The following KLF6 variants were observed in gnomAD, a reference collection of about 807,000 sequenced individuals.
KLF6 encodes the protein Krueppel-like factor 6.
For missense variants in KLF6, 233 were observed against 359.8 expected (o/e 0.65, Z 2.85); for synonymous variants, 152 against 147.9 (o/e 1.03, Z -0.20).
At position 3,779,363 on chromosome 10, in the gene KLF6, T is replaced by C; in HGVS notation, c.*176A>G. 1 of 694,558 alleles carries C rather than the reference T, an allele frequency of 1.4e-6. No homozygotes were observed. The highest frequency in any genetic ancestry group is 2.6e-6 in the Non-Finnish European group (1 of 380,550). 43.0% of individuals were successfully genotyped at this position (694,558 alleles called of 1,614,324 possible). A position where few individuals can be genotyped will look rare whatever the true frequency, so the allele number is the denominator to read the frequency against. ...CCCACATACCATGCACCACGGGTGCTATGCCGCTTCTTACAGGACCTTTTT... is the reference window on the plus strand; with the variant it reads ...CCCACATACCATGCACCACGGGTGCCATGCCGCTTCTTACAGGACCTTTTT... On this transcript the variant is annotated 3_prime_UTR_variant, in exon 4 of 4. Coordinates refer to ENST00000497571, the MANE Select transcript of KLF6 (RefSeq NM_001300.6).
chr10:3,777,790 TAC>T lies in KLF6; in HGVS notation c.*1747_*1748del. 2.2e-6 allele frequency: 1 copy of T among 462,942 alleles called. No individual in the cohort carries two copies. Among genetic ancestry groups the T allele is most frequent in the South Asian group, 1.6e-5 (1 of 61,276 alleles). 28.7% of individuals were successfully genotyped at this position (462,942 alleles called of 1,614,324 possible). ...TATATATACACACATACACATACTG[TAC>T]ACACAAATATACATACACAAGAATT... On this transcript the variant is annotated 3_prime_UTR_variant, in exon 4 of 4. Transcript: ENST00000497571.
rs949353222 is a variant in KLF6 at position 3,778,520 on chromosome 10, A to G, written c.*1019T>C. 1.9e-6 allele frequency: 1 copy of G among 523,292 alleles called. No individual in the cohort carries two copies. The highest frequency in any genetic ancestry group is 3.7e-6 in the Non-Finnish European group (1 of 269,440). The allele number at this position is 523,292 out of a possible 1,614,324, so 32.4% of individuals were successfully genotyped here. A position where few individuals can be genotyped will look rare whatever the true frequency, so the allele number is the denominator to read the frequency against. ...TACGTGTCCAATTTCTTCTAAGGGC[A>G]TCACAGAATTCTCCAAAAAGTTAAT... On this transcript the variant is annotated 3_prime_UTR_variant, in exon 4 of 4. Transcript: ENST00000497571.
intron 1 of KLF6, 52 bp downstream of exon 1, chr10:3,784,861 G>T: frequency 6.4e-7 from 1 of 1,559,644 alleles, no homozygotes; most frequent in South Asian, 1.2e-5. Context: ...CCAAACAGCC[G>T]ACCCGGCCCG....
Position 3,777,778 on chromosome 10 carries a change from A to G in KLF6, c.*1761T>C, listed in dbSNP as rs911203298. ...ATATATAATATATATATATACACAC[A>G]TACACATACTGTACACACAAATATA... On this transcript the variant is annotated 3_prime_UTR_variant, in exon 4 of 4. Transcript: ENST00000497571. 1 of 434,726 alleles carries G rather than the reference A, an allele frequency of 2.3e-6. No individual in the cohort carries two copies. Among genetic ancestry groups the G allele is most frequent in the African/African-American group, 2.1e-5 (1 of 48,060 alleles). 26.9% of individuals were successfully genotyped at this position (434,726 alleles called of 1,614,324 possible).
Position 3,778,679 on chromosome 10 carries a change from A to G in KLF6, c.*860T>C, listed in dbSNP as rs1021188190. 3.8e-6 allele frequency: 2 copies of G among 526,984 alleles called. No homozygotes were observed. Among genetic ancestry groups the G allele is most frequent in the Non-Finnish European group, 7.4e-6 (2 of 272,062 alleles). The allele number at this position is 526,984 out of a possible 1,614,324, so 32.6% of individuals were successfully genotyped here. Reference sequence around the variant, plus strand: ...TGGCTAGGGGGTCACTGTATTAGACAGATTGGATCTTAGCTGCTCATTAAC... The same window carrying G: ...TGGCTAGGGGGTCACTGTATTAGACGGATTGGATCTTAGCTGCTCATTAAC... On this transcript the variant is annotated 3_prime_UTR_variant, in exon 4 of 4. Transcript: ENST00000497571.
chr10:3,781,369 T>G lies in KLF6; in HGVS notation c.676+272A>C. ...CCCAGCACTACTAAGGGGTGGGGGG[T>G]GGAGGTTTGGGTGTCCGTGGAGAAA... On this transcript the variant is annotated intron_variant, in intron 2 of 3. Coordinates refer to ENST00000497571, the MANE Select transcript of KLF6 (RefSeq NM_001300.6). The surrounding 1 kb of genome is among the most constrained non-coding windows in gnomAD (Gnocchi z 5.8). 1.4e-6 allele frequency: 2 copies of G among 1,423,312 alleles called. No homozygotes were observed. The highest frequency in any genetic ancestry group is 1.9e-6 in the Non-Finnish European group (2 of 1,078,302). The allele number at this position is 1,423,312 out of a possible 1,614,324, so 88.2% of individuals were successfully genotyped here.
Position 3,780,305 on chromosome 10 carries a change from C to A in KLF6, c.677-76G>T, listed in dbSNP as rs1050572221. 1.9e-6 allele frequency: 3 copies of A among 1,581,702 alleles called. No individual in the cohort carries two copies. Among genetic ancestry groups the A allele is most frequent in the Non-Finnish European group, 2.6e-6 (3 of 1,159,844 alleles). ...CGGAAAGGGGAAATTCAACAACACA[C>A]ACAGTGGTGGGATGCAAGGCCAGGG... is the stretch of plus-strand genomic sequence containing the variant. On this transcript the variant is annotated intron_variant, in intron 2 of 3. Transcript: ENST00000497571. This position sits in a 1 kb window ranked among gnomAD's most constrained non-coding sequence, Gnocchi z 4.6.
intron 1 of KLF6, 118 bp downstream of exon 1, chr10:3,784,795 C>G: frequency 4.2e-6 from 4 of 945,180 alleles, no homozygotes; most frequent in Non-Finnish European, 5.9e-6. Context: ...CCCGCTCCCC[C>G]GGTGACAGCG....
rs899639566 is a variant in KLF6 at position 3,780,555 on chromosome 10, G to A, written c.677-326C>T. The A allele has an allele frequency of 3.1e-5, 13 of 419,836 alleles. No homozygotes were observed. Among genetic ancestry groups the A allele is most frequent in the African/African-American group, 6.1e-5 (3 of 49,222 alleles). The allele number at this position is 419,836 out of a possible 1,614,324, so 26.0% of individuals were successfully genotyped here. ...GTCAGCCTGCCGGACCCACAGCCCC[G>A]GCAAAGGCAGAGCTATTGCTTTCTT... On this transcript the variant is annotated intron_variant, in intron 2 of 3. Coordinates refer to ENST00000497571, the MANE Select transcript of KLF6 (RefSeq NM_001300.6). The surrounding 1 kb of genome is among the most constrained non-coding windows in gnomAD (Gnocchi z 4.6).
At chr10:3,779,668 C>T in intron 3 of KLF6, 78 bp from the exon 4 acceptor site, 1 of 1,282,788 alleles carries the variant, frequency 7.8e-7, no homozygotes, top group South Asian at 1.2e-5. Context: ...GCCCTCACCT[C>T]CCTGCCCTGC....
chr10:3,784,938 G>T lies in KLF6; in HGVS notation c.77C>A (p.Pro26Gln). ...VHETGYFSALPSLEEYWQQTC... is the reference protein window; with the variant it reads ...VHETGYFSALQSLEEYWQQTC... ...CTGTTGCCAGTACTCCTCCAGAGAC[G>T]GCAGCGCCGAGAAGTAGCCGGTCTC... Residue 26 changes from proline (P) to glutamine (Q), a missense_variant, in exon 1 of 4, where the codon CCG becomes CAG. Physicochemically the swap from Pro to Gln is moderately conservative, Grantham distance 76 (BLOSUM62 -1). Transcript: ENST00000497571. The T allele has an allele frequency of 1.2e-6, 2 of 1,605,496 alleles. No homozygotes were observed. The highest frequency in any genetic ancestry group is 1.7e-6 in the Non-Finnish European group (2 of 1,174,932).
In KLF6 at chr10:3,781,904, C is replaced by G. The variant is rs1159580959; in HGVS notation, c.413G>C (p.Gly138Ala). ...GGAGGTGACAGAGGAGCTCAATTTT[C>G]CCGAGCTGACCAAAACTTCGCCAAT... ...DPIGEVLVSSGKLSSSVTSTP... is the reference protein window; with the variant it reads ...DPIGEVLVSSAKLSSSVTSTP... The change falls in exon 2 of 4, where the codon GGA becomes GCA. Residue 138 changes from glycine (G) to alanine (A), a missense_variant. Coordinates refer to ENST00000497571, the MANE Select transcript of KLF6 (RefSeq NM_001300.6). The surrounding 1 kb of genome is among the most constrained non-coding windows in gnomAD (Gnocchi z 5.8). 6.2e-7 allele frequency: 1 copy of G among 1,614,068 alleles called. No homozygotes were observed. The highest frequency in any genetic ancestry group is 1.7e-5 in the Admixed American group (1 of 60,002).
Position 3,778,581 on chromosome 10 carries a change from G to C in KLF6, c.*958C>G. 1 of 517,666 alleles carries C rather than the reference G, an allele frequency of 1.9e-6. No homozygotes were observed. Among genetic ancestry groups the C allele is most frequent in the Non-Finnish European group, 3.8e-6 (1 of 266,248 alleles). The allele number at this position is 517,666 out of a possible 1,614,324, so 32.1% of individuals were successfully genotyped here. A position where few individuals can be genotyped will look rare whatever the true frequency, so the allele number is the denominator to read the frequency against. On this transcript the variant is annotated 3_prime_UTR_variant, in exon 4 of 4. Coordinates refer to ENST00000497571, the MANE Select transcript of KLF6 (RefSeq NM_001300.6). ...AATCATTTAAAAATAATCCTGTGTT[G>C]CACAATGCCTTTCTGGAAGGGGAGT... is the stretch of plus-strand genomic sequence containing the variant.
rs758604944 is a variant in KLF6, at chr10:3,779,090, C to G, written c.*449G>C. 28 of 536,110 alleles carry G rather than the reference C, an allele frequency of 5.2e-5. No individual in the cohort carries two copies. The highest frequency in any genetic ancestry group is 7.7e-5 in the East Asian group (2 of 25,818). 33.2% of individuals were successfully genotyped at this position (536,110 alleles called of 1,614,324 possible). Reference sequence around the variant, plus strand: ...TCTAAGGTGCAGACACCCCCTCCCCCCAAGGAAATGATTGGTGGTCATCTC... The same window carrying G: ...TCTAAGGTGCAGACACCCCCTCCCCGCAAGGAAATGATTGGTGGTCATCTC... On this transcript the variant is annotated 3_prime_UTR_variant, in exon 4 of 4. Transcript: ENST00000497571.
At position 3,781,788 on chromosome 10, in the gene KLF6, T is replaced by A; in HGVS notation, c.529A>T (p.Ser177Cys). The change falls in exon 2 of 4, where the codon AGC becomes TGC. Residue 177 changes from serine (S) to cysteine (C), a missense_variant. Physicochemically the swap from Ser to Cys is moderately radical, Grantham distance 112. Coordinates refer to ENST00000497571, the MANE Select transcript of KLF6 (RefSeq NM_001300.6). The surrounding 1 kb of genome is among the most constrained non-coding windows in gnomAD (Gnocchi z 5.8). ...TCACCTGGCTTCCCCGAAGTCCCGCTGCGCACCTTCCCTGGCGAGGGCAGC... is the reference window on the plus strand; with the variant it reads ...TCACCTGGCTTCCCCGAAGTCCCGCAGCGCACCTTCCCTGGCGAGGGCAGC... The part of the protein sequence containing the change: ...GELPSPGKVR[S>C]GTSGKPGDKG... 6.2e-7 allele frequency: 1 copy of A among 1,614,234 alleles called. No homozygotes were observed. The highest frequency in any genetic ancestry group is 1.3e-5 in the African/African-American group (1 of 75,076).
rs796072578 is a variant in KLF6 at position 3,779,317 on chromosome 10, C to T, written c.*222G>A. ...TAGGCGCCGCTCGGAAGGGCGGGTA[C>T]CAGTGGCGAGTCCAGGGTCACCCAC... On this transcript the variant is annotated 3_prime_UTR_variant, in exon 4 of 4. Transcript: ENST00000497571. 8 of 670,052 alleles carry T rather than the reference C, an allele frequency of 1.2e-5. No homozygotes were observed. The African/African-American group carries it at 1.4e-4, about 12-fold the overall frequency. 41.5% of individuals were successfully genotyped at this position (670,052 alleles called of 1,614,324 possible). A position where few individuals can be genotyped will look rare whatever the true frequency, so the allele number is the denominator to read the frequency against.
At position 3,778,678 on chromosome 10, in the gene KLF6, C is replaced by T; in HGVS notation, c.*861G>A. 1.9e-6 allele frequency: 1 copy of T among 526,608 alleles called. No homozygotes were observed. Among genetic ancestry groups the T allele is most frequent in the Non-Finnish European group, 3.7e-6 (1 of 271,742 alleles). The allele number at this position is 526,608 out of a possible 1,614,324, so 32.6% of individuals were successfully genotyped here. On this transcript the variant is annotated 3_prime_UTR_variant, in exon 4 of 4. Coordinates refer to ENST00000497571, the MANE Select transcript of KLF6 (RefSeq NM_001300.6). Reference sequence around the variant, plus strand: ...ATGGCTAGGGGGTCACTGTATTAGACAGATTGGATCTTAGCTGCTCATTAA... The same window carrying T: ...ATGGCTAGGGGGTCACTGTATTAGATAGATTGGATCTTAGCTGCTCATTAA...
chr10:3,782,417 G>C lies in KLF6; in HGVS notation c.103-203C>G, dbSNP rs1369819838. Among the ~76,000 whole-genome samples, 1 of 152,252 alleles carries C rather than the reference G, an allele frequency of 6.6e-6. No homozygotes were observed. Among genetic ancestry groups the C allele is most frequent in the Non-Finnish European group, 1.5e-5 (1 of 68,044 alleles). On this transcript the variant is annotated intron_variant, in intron 1 of 3. Transcript: ENST00000497571. The surrounding 1 kb of genome is among the most constrained non-coding windows in gnomAD (Gnocchi z 4.3). ...GTTTCTAGAATGGTAAGAATTCAGA[G>C]GAAAAGTCGGAGGGTGAAACCTCTC...
rs549019334 is a variant in KLF6, at chr10:3,782,673, C to A, written c.103-459G>T. Among the ~76,000 whole-genome samples, 12 of 152,228 alleles carry A rather than the reference C, an allele frequency of 7.9e-5. No individual in the cohort carries two copies. Among genetic ancestry groups the A allele is most frequent in the Non-Finnish European group, 1.8e-4 (12 of 68,042 alleles). On this transcript the variant is annotated intron_variant, in intron 1 of 3. Transcript: ENST00000497571. This position sits in a 1 kb window ranked among gnomAD's most constrained non-coding sequence, Gnocchi z 4.3. ...CCTTCACACTCCACAGATACCCACA[C>A]AGGACAGAAAGACTGCACGGCACAC...
Sources: allele counts gnomAD v4.1 joint callset (sites outside exome capture counted in the v4.1 genomes callset), GRCh38; gene constraint gnomAD v4.1.1; non-coding constraint Gnocchi (gnomAD v3.1); transcripts MANE v1.5; gene names NCBI Gene and HGNC (gene_info 2026-07-23, HGNC 2026-07-21).